DPP10: variants seen among roughly 807,000 people sequenced by gnomAD.
The protein encoded by DPP10 is dipeptidyl peptidase like 10.
Under a neutral mutation model 120.9 loss-of-function variants are expected in DPP10, and 33 were observed. The ratio of observed to expected loss-of-function variants is 0.27; its 90% CI spans 0.21 to 0.37. The LOEUF is 0.37. Ranked by LOEUF, DPP10 falls within the 10% of genes least tolerant of loss-of-function variation. The pLI is 1.00. For synonymous variants in DPP10, 337 were observed against 326.1 expected, an observed-to-expected ratio of 1.03 and a Z score of -0.36; for missense variants, 816 against 942.8, an observed-to-expected ratio of 0.87 and a Z score of 1.76.
chr2:114,677,647 T>C (rs72826513), intron 1 of DPP10, among the ~76,000 whole-genome samples: 6,530 of 152,238 alleles, frequency 0.043, 179 homozygotes, highest in Middle Eastern at 0.095. Flanking sequence ...TAACAGCTGC[T>C]AAATGATGGA....
rs1326977318 is a variant in DPP10, at chr2:114,532,290, T to C, written c.60+89452T>C. ...ATATATATATATATATATATATATA[T>C]ATATATACACACACACACACACACA... On this transcript the variant is annotated intron_variant, in intron 1 of 25. Coordinates refer to ENST00000410059, the MANE Select transcript of DPP10 (RefSeq NM_020868.6). Among the ~76,000 whole-genome samples, 171 of 56,712 alleles carry C rather than the reference T, an allele frequency of 3.0e-3. 2 individuals are homozygous for C. The highest frequency in any genetic ancestry group is 6.5e-3 in the South Asian group (8 of 1,232). 37.2% of individuals were successfully genotyped at this position (56,712 alleles called of 152,430 possible).
intron 3 of DPP10, among the ~76,000 whole-genome samples, chr2:115,458,832 T>C (rs1252595347): frequency 6.6e-6 from 1 of 152,176 alleles, no homozygotes; most frequent in Non-Finnish European, 1.5e-5. Context: ...TTATGCACAT[T>C]ACTTATATAC....
intron 3 of DPP10, among the ~76,000 whole-genome samples, chr2:115,485,515 T>A (rs1211102057): frequency 6.6e-6 from 1 of 152,158 alleles, no homozygotes. Flanking sequence ...CTTCTTTTAA[T>A]GTTGTTTCTG....
chr2:115,598,851 T>A (rs2083146713), intron 5 of DPP10, among the ~76,000 whole-genome samples: 1 of 150,836 alleles, frequency 6.6e-6, no homozygotes, highest in Non-Finnish European at 1.5e-5. Flanking sequence ...TTTTGGAGTG[T>A]AGGTTTGACA....
intron 1 of DPP10, among the ~76,000 whole-genome samples, chr2:115,165,765 G>A (rs1573858958): frequency 6.6e-6 from 1 of 152,102 alleles, no homozygotes; most frequent in Non-Finnish European, 1.5e-5. Context: ...CCTAAAAAGC[G>A]TGGCTGTTCT....
At chr2:115,232,991 A>T (rs1246062276) in intron 1 of DPP10, among the ~76,000 whole-genome samples, 2 of 152,084 alleles carry the variant, frequency 1.3e-5, no homozygotes, top group Non-Finnish European at 2.9e-5. Context: ...ACTAGAGTTG[A>T]GAACTAAATA....
chr2:114,559,062 A>G (rs1329071103), intron 1 of DPP10, among the ~76,000 whole-genome samples: 2 of 152,118 alleles, frequency 1.3e-5, no homozygotes, highest in East Asian at 1.9e-4. Flanking sequence ...GTACATCCCC[A>G]TGTCCCACAT....
chr2:114,535,840 T>C (rs1573593597), intron 1 of DPP10, among the ~76,000 whole-genome samples: 1 of 152,334 alleles, frequency 6.6e-6, no homozygotes, highest in Middle Eastern at 3.4e-3. Flanking sequence ...ATGCCCTAAC[T>C]GCCCTCGTAT....
intron 1 of DPP10, among the ~76,000 whole-genome samples, chr2:114,905,059 T>G (rs1444402725): frequency 6.6e-6 from 1 of 152,218 alleles, no homozygotes; most frequent in Admixed American, 6.5e-5. Flanking sequence ...ATGGTAAAAT[T>G]TTATTTACTG....
intron 5 of DPP10, among the ~76,000 whole-genome samples, chr2:115,637,981 G>A (rs1230235077): frequency 6.6e-6 from 1 of 152,204 alleles, no homozygotes; most frequent in Non-Finnish European, 1.5e-5. Flanking sequence ...AAGAGCCAGA[G>A]ATCTGATTGC....
chr2:114,655,952 T>C (rs1331749690), intron 1 of DPP10, among the ~76,000 whole-genome samples: 1 of 152,144 alleles, frequency 6.6e-6, no homozygotes, highest in African/African-American at 2.4e-5. Flanking sequence ...ACACATGACT[T>C]CCAATCAAAT....
At chr2:114,876,664 C>A (rs1158791887) in intron 1 of DPP10, among the ~76,000 whole-genome samples, 2 of 152,112 alleles carry the variant, frequency 1.3e-5, no homozygotes, top group African/African-American at 4.8e-5. Flanking sequence ...AATTTCTCAT[C>A]TTTGCTCAAT....
At chr2:114,989,143 G>T (rs1472856607) in intron 1 of DPP10, among the ~76,000 whole-genome samples, 1 of 152,116 alleles carries the variant, frequency 6.6e-6, no homozygotes, top group Non-Finnish European at 1.5e-5. Context: ...GGTCAGGGCT[G>T]CTTTAAATGT....
intron 3 of DPP10, among the ~76,000 whole-genome samples, chr2:115,354,884 T>A (rs1462064411): frequency 1.3e-5 from 2 of 152,116 alleles, no homozygotes; most frequent in East Asian, 1.9e-4. Context: ...ATAATCTCAT[T>A]CCTTTTTATG....
rs1309371825 is a variant in DPP10 at position 114,645,552 on chromosome 2, C to T, written c.60+202714C>T. On this transcript the variant is annotated intron_variant, in intron 1 of 25. Transcript: ENST00000410059. ...CCACAAAAGCCATTTCACATGTTTC[C>T]AGATCAATTTTGAAGTTGTTTTGAC... is the stretch of plus-strand genomic sequence containing the variant. 4.6e-5 allele frequency among the ~76,000 whole-genome samples: 7 copies of T among 152,146 alleles called. No homozygotes were observed. The East Asian group carries it at 9.6e-4, about 21-fold the overall frequency.
intron 4 of DPP10, among the ~76,000 whole-genome samples, chr2:115,514,212 C>T (rs2077380665): frequency 6.6e-6 from 1 of 151,814 alleles, no homozygotes; most frequent in Non-Finnish European, 1.5e-5. Context: ...GTTTTGTCAA[C>T]TTGACTATGA....
intron 1 of DPP10, among the ~76,000 whole-genome samples, chr2:114,466,888 A>G (rs1351861651): frequency 2.0e-5 from 3 of 152,152 alleles, no homozygotes; most frequent in Non-Finnish European, 2.9e-5. Context: ...TACTAAAAAT[A>G]TAGAAAACTA....
At chr2:114,910,724 G>A (rs189832408) in intron 1 of DPP10, among the ~76,000 whole-genome samples, 8 of 152,146 alleles carry the variant, frequency 5.3e-5, no homozygotes, top group East Asian at 3.9e-4. Context: ...CTGGAGCAAC[G>A]ATCTTTAAAA....
intron 1 of DPP10, among the ~76,000 whole-genome samples, chr2:115,116,572 T>C (rs988194537): frequency 1.3e-5 from 2 of 152,128 alleles, no homozygotes; most frequent in Non-Finnish European, 2.9e-5. Flanking sequence ...TGCTGGCAAG[T>C]AGGAAGGACT....
Sources: gnomAD v4.1 joint callset for allele counts (sites outside exome capture counted in the v4.1 genomes callset) on GRCh38, gnomAD v4.1.1 for gene constraint, MANE v1.5 for transcripts, NCBI Gene and HGNC (gene_info 2026-07-23, HGNC 2026-07-21) for gene names.